The following AP3B1 variants were observed in gnomAD, a reference collection of about 807,000 sequenced individuals.
AP3B1 encodes the protein adaptor related protein complex 3 subunit beta 1.
In AP3B1, 61 loss-of-function variants were observed where a neutral mutation model predicts 132.5. The observed-to-expected ratio is 0.46, with a 90% CI of 0.37 to 0.57. The LOEUF (loss-of-function observed/expected upper bound fraction) is 0.57. Among genes scored for constraint, AP3B1 ranks in the 20% least tolerant of loss-of-function variants. AP3B1 has a pLI of 0.00. For synonymous variants in AP3B1, 388 were observed against 438.3 expected (o/e 0.89, Z 1.43); for missense variants, 1,120 against 1,289.4 (o/e 0.87, Z 2.01).
At chr5:78,278,837 C>G (rs149315807) in intron 1 of AP3B1, among the ~76,000 whole-genome samples, 2 of 151,986 alleles carry the variant, frequency 1.3e-5, no homozygotes, top group Non-Finnish European at 2.9e-5. Flanking sequence ...GGAGTGCAAA[C>G]CCTCTTGTAA....
chr5:78,106,615 T>C (rs1175207250), intron 20 of AP3B1, among the ~76,000 whole-genome samples: 1 of 152,122 alleles, frequency 6.6e-6, no homozygotes, highest in African/African-American at 2.4e-5. Context: ...ATAGAAGGAC[T>C]TGGGGTTGGG....
At chr5:78,218,683 G>A (rs2112480406) in intron 6 of AP3B1, among the ~76,000 whole-genome samples, 1 of 152,174 alleles carries the variant, frequency 6.6e-6, no homozygotes, top group East Asian at 1.9e-4. Context: ...ATTATGAAGG[G>A]TACAAAACGT....
At chr5:78,086,379 T>A (rs1750253335) in intron 22 of AP3B1, among the ~76,000 whole-genome samples, 1 of 152,226 alleles carries the variant, frequency 6.6e-6, no homozygotes, top group Admixed American at 6.5e-5. Context: ...AAACATTTCA[T>A]GTTTGTTAAT....
intron 22 of AP3B1, among the ~76,000 whole-genome samples, chr5:78,084,255 T>C (rs1376041780): frequency 6.6e-6 from 1 of 152,004 alleles, no homozygotes; most frequent in Admixed American, 6.6e-5. Context: ...TTGAGTGTGG[T>C]GGCTCACTTG....
chr5:78,066,358 C>G (rs144257461), intron 22 of AP3B1, among the ~76,000 whole-genome samples: 6 of 152,250 alleles, frequency 3.9e-5, no homozygotes, highest in African/African-American at 1.4e-4. Flanking sequence ...TGGGTAATAA[C>G]GAACTTTGCT....
intron 11 of AP3B1, among the ~76,000 whole-genome samples, chr5:78,167,996 T>C (rs186558956): frequency 6.8e-6 from 1 of 147,352 alleles, no homozygotes; most frequent in East Asian, 2.0e-4. Flanking sequence ...ACACCACCTG[T>C]TCACCAAAAA....
chr5:78,031,594 A>C (rs991124183), intron 24 of AP3B1, among the ~76,000 whole-genome samples: 1 of 152,160 alleles, frequency 6.6e-6, no homozygotes, highest in Non-Finnish European at 1.5e-5. Context: ...CAGGGGTAAG[A>C]TTGGGGAACT....
chr5:78,182,613 A>C (rs1311233306), intron 7 of AP3B1, among the ~76,000 whole-genome samples: 1 of 152,194 alleles, frequency 6.6e-6, no homozygotes, highest in African/African-American at 2.4e-5. Flanking sequence ...ACAAATGCAG[A>C]TGAAAGAAAC....
At chr5:78,163,100 T>C in intron 12 of AP3B1, 149 bp from the exon 13 acceptor site, 4 of 767,978 alleles carry the variant, frequency 5.2e-6, no homozygotes, top group Non-Finnish European at 8.6e-6. Flanking sequence ...TGATGTAGAT[T>C]AATTTCATTT....
At chr5:78,155,707 T>C (rs1580418528) in intron 14 of AP3B1, among the ~76,000 whole-genome samples, 1 of 151,878 alleles carries the variant, frequency 6.6e-6, no homozygotes, top group East Asian at 1.9e-4. Context: ...GGCCAGGGTA[T>C]AGAGTGAAGG....
intron 2 of AP3B1, among the ~76,000 whole-genome samples, chr5:78,245,943 G>A (rs1227403559): frequency 1.3e-5 from 2 of 152,320 alleles, no homozygotes; most frequent in African/African-American, 4.8e-5. Context: ...GGTGAGAAAG[G>A]AAGACAAGTT....
chr5:78,233,897 A>G (rs895892567), intron 3 of AP3B1, among the ~76,000 whole-genome samples: 2 of 152,162 alleles, frequency 1.3e-5, no homozygotes, highest in African/African-American at 4.8e-5. Flanking sequence ...AGATATTTCT[A>G]TTAAGGTACC....
chr5:78,136,320 T>C (rs1752907769), intron 15 of AP3B1, among the ~76,000 whole-genome samples: 1 of 152,186 alleles, frequency 6.6e-6, no homozygotes, highest in South Asian at 2.1e-4. Flanking sequence ...TCAGTTCTGC[T>C]CTAATGCTTG....
intron 2 of AP3B1, among the ~76,000 whole-genome samples, chr5:78,243,401 G>GA (rs1285435693): frequency 1.3e-5 from 2 of 152,012 alleles, no homozygotes; most frequent in Admixed American, 6.6e-5. Context: ...TATGGGGAAG[G>GA]AAAAAAACAC....
At chr5:78,009,399 G>A (rs1290021523) in intron 26 of AP3B1, among the ~76,000 whole-genome samples, 3 of 151,946 alleles carry the variant, frequency 2.0e-5, no homozygotes, top group Non-Finnish European at 2.9e-5. Context: ...CAAGGTTGCA[G>A]TGAGCTACAA....
intron 22 of AP3B1, among the ~76,000 whole-genome samples, chr5:78,082,307 T>C (rs907419077): frequency 2.6e-5 from 4 of 152,200 alleles, no homozygotes; most frequent in Admixed American, 1.3e-4. Flanking sequence ...CTGAATCTAT[T>C]ATCTGTTGCC....
At chr5:78,266,693 T>A (rs916691413) in intron 2 of AP3B1, among the ~76,000 whole-genome samples, 8 of 152,104 alleles carry the variant, frequency 5.3e-5, no homozygotes, top group African/African-American at 1.9e-4. Context: ...ATGGTGGTGA[T>A]AAAAAGGATA....
rs193066153 is a variant in AP3B1, at chr5:78,232,801, G to C, written c.280-4562C>G. On this transcript the variant is annotated intron_variant, in intron 3 of 26. Coordinates refer to ENST00000255194, the MANE Select transcript of AP3B1 (RefSeq NM_003664.5). ...GGCTCACTGCAGCCTCTGCCTCCTGGGTTCAAATGATTTTCCTGCCTCAGC... is the reference window on the plus strand; with the variant it reads ...GGCTCACTGCAGCCTCTGCCTCCTGCGTTCAAATGATTTTCCTGCCTCAGC... Among the ~76,000 whole-genome samples the C allele has an allele frequency of 3.9e-5, 6 of 152,090 alleles. No individual in the cohort carries two copies. In the East Asian group the frequency reaches 1.2e-3, roughly 29 times the overall value.
intron 15 of AP3B1, among the ~76,000 whole-genome samples, chr5:78,132,503 C>T (rs935337092): frequency 5.9e-5 from 9 of 152,086 alleles, no homozygotes; most frequent in Admixed American, 5.2e-4. Flanking sequence ...ACTAATGGAG[C>T]CACCACATTA....
Sources: gnomAD v4.1 joint callset for allele counts (sites outside exome capture counted in the v4.1 genomes callset) on GRCh38, gnomAD v4.1.1 for gene constraint, MANE v1.5 for transcripts, NCBI Gene and HGNC (gene_info 2026-07-23, HGNC 2026-07-21) for gene names.